Variants in AGAP3 observed in about 807,000 individuals in gnomAD.
AGAP3 encodes arf-GAP with GTPase, ANK repeat and PH domain-containing protein 3.
In AGAP3, 24 loss-of-function variants were observed where a neutral mutation model predicts 96.9. The observed-to-expected ratio is 0.25, with a 90% CI of 0.18 to 0.35. The LOEUF is 0.35. Ranked by LOEUF, AGAP3 falls within the 10% of genes least tolerant of loss-of-function variation. AGAP3 has a pLI of 1.00. For missense variants in AGAP3, 876 were observed against 1,254.2 expected (o/e 0.70, Z 4.55); for synonymous variants, 563 against 536.1 (o/e 1.05, Z -0.69).
chr7:151,088,800 G>A (rs993988648), intron 1 of AGAP3, among the ~76,000 whole-genome samples: 3 of 152,104 alleles, frequency 2.0e-5, no homozygotes, highest in Non-Finnish European at 4.4e-5. Context: ...TTCCTGGGGC[G>A]CCCTTGAGTT....
At chr7:151,095,200 C>T (rs185224102) in intron 1 of AGAP3, among the ~76,000 whole-genome samples, 7 of 152,298 alleles carry the variant, frequency 4.6e-5, no homozygotes, top group East Asian at 1.9e-4. Flanking sequence ...TTTTCTACAA[C>T]GTACATTTCT....
intron 1 of AGAP3, among the ~76,000 whole-genome samples, chr7:151,102,354 C>G (rs547535058): frequency 6.6e-6 from 1 of 152,282 alleles, no homozygotes; most frequent in South Asian, 2.1e-4. Flanking sequence ...ACGCGCCACC[C>G]CACACTCCAG....
intron 1 of AGAP3, among the ~76,000 whole-genome samples, chr7:151,093,949 A>G (rs12670760): frequency 0.36 from 54,544 of 152,054 alleles, 10,846 homozygotes; most frequent in Non-Finnish European, 0.44. Flanking sequence ...CTTGTCTGTC[A>G]AGTGAGCACC....
rs1485735816 is a variant in AGAP3, at chr7:151,114,985, C to T, written c.332-1808C>T. ...GGCCCGGAGCCGCCGCCCACCGGCG[C>T]CCGCGGCCTTTTGCTCGGCCTCCTG... On this transcript the variant is annotated intron_variant, in intron 1 of 17. Coordinates refer to ENST00000397238, the MANE Select transcript of AGAP3 (RefSeq NM_031946.7). This position sits in a 1 kb window ranked among gnomAD's most constrained non-coding sequence, Gnocchi z 4.4. The T allele has an allele frequency of 1.3e-5, 13 of 983,736 alleles. No individual in the cohort carries two copies. Among genetic ancestry groups the T allele is most frequent in the East Asian group, 1.1e-4 (1 of 8,842 alleles). The allele number at this position is 983,736 out of a possible 1,614,324, so 60.9% of individuals were successfully genotyped here.
rs1355765308 is a variant in AGAP3, at chr7:151,139,388, C to A, written c.1667-591C>A. Among the ~76,000 whole-genome samples, 2 of 152,182 alleles carry A rather than the reference C, an allele frequency of 1.3e-5. No individual in the cohort carries two copies. Among genetic ancestry groups the A allele is most frequent in the East Asian group, 3.9e-4 (2 of 5,180 alleles). On this transcript the variant is annotated intron_variant, in intron 12 of 17. Coordinates refer to ENST00000397238, the MANE Select transcript of AGAP3 (RefSeq NM_031946.7). The surrounding 1 kb of genome is among the most constrained non-coding windows in gnomAD (Gnocchi z 4.9). Reference sequence around the variant, plus strand: ...GCGCATGAGAAGGGGAGCCAGGGGCCCTTCCCTTGGGTCACCGGTCCGGTG... The same window carrying A: ...GCGCATGAGAAGGGGAGCCAGGGGCACTTCCCTTGGGTCACCGGTCCGGTG...
At chr7:151,093,439 G>A (rs1285002581) in intron 1 of AGAP3, among the ~76,000 whole-genome samples, 1 of 152,134 alleles carries the variant, frequency 6.6e-6, no homozygotes, top group Non-Finnish European at 1.5e-5. Context: ...CCACGTCCGT[G>A]CCCAAATATG....
In AGAP3 at chr7:151,118,852, A is replaced by G. The variant is rs1046704150; in HGVS notation, c.969+220A>G. On this transcript the variant is annotated intron_variant, in intron 7 of 17. Coordinates refer to ENST00000397238, the MANE Select transcript of AGAP3 (RefSeq NM_031946.7). This position sits in a 1 kb window ranked among gnomAD's most constrained non-coding sequence, Gnocchi z 6.1. The stretch of plus-strand genomic sequence containing the variant: ...ACGGTGCCTGCCCCTTCCCGCTGCA[A>G]TCCCCACTTCTCTCTGCTCTCCACC... Among the ~76,000 whole-genome samples, 1 of 151,918 alleles carries G rather than the reference A, an allele frequency of 6.6e-6. No homozygotes were observed.
chr7:151,115,140 C>T, intron 1 of AGAP3: 1 of 1,044,478 alleles, frequency 9.6e-7, no homozygotes, highest in Non-Finnish European at 1.2e-6. Context: ...GCGGCCCCGG[C>T]CGGCCAGCAT....
chr7:151,138,430 G>T, intron 12 of AGAP3, 117 bp downstream of exon 12: 3 of 1,247,670 alleles, frequency 2.4e-6, no homozygotes, highest in Non-Finnish European at 3.2e-6. Context: ...CAGGCCAAGG[G>T]GTGGGGCCCA....
chr7:151,142,677 C>A lies in AGAP3; in HGVS notation c.2273+43C>A. The A allele has an allele frequency of 1.3e-6, 2 of 1,577,676 alleles. No homozygotes were observed. Among genetic ancestry groups the A allele is most frequent in the Non-Finnish European group, 8.6e-7 (1 of 1,156,868 alleles). ...TGGAGCTGGCCAGGAATGGGGGAAG[C>A]GTTGGGGGCTCCCAGCATGGGGAAG... On this transcript the variant is annotated intron_variant, in intron 16 of 17. Transcript: ENST00000397238. The surrounding 1 kb of genome is among the most constrained non-coding windows in gnomAD (Gnocchi z 7.5).
chr7:151,095,020 T>G (rs1448692537), intron 1 of AGAP3, among the ~76,000 whole-genome samples: 1 of 151,870 alleles, frequency 6.6e-6, no homozygotes, highest in African/African-American at 2.4e-5. Context: ...GACTCAGGCA[T>G]GTGTCACCAC....
rs1584769999 is a variant in AGAP3, at chr7:151,128,466, T to C, written c.1222-114T>C. On this transcript the variant is annotated intron_variant, in intron 9 of 17. Transcript: ENST00000397238. Reference sequence around the variant, plus strand: ...TCCTTAAAGGCTGCTTTGCTCAAAGTGGCCCAGGAGAAGCGGGGAGGGGGG... The same window carrying C: ...TCCTTAAAGGCTGCTTTGCTCAAAGCGGCCCAGGAGAAGCGGGGAGGGGGG... 5 of 805,444 alleles carry C rather than the reference T, an allele frequency of 6.2e-6. No homozygotes were observed. In the East Asian group the frequency reaches 1.3e-4, roughly 22 times the overall value. The allele number at this position is 805,444 out of a possible 1,614,324, so 49.9% of individuals were successfully genotyped here.
chr7:151,126,202 C>T (rs62489625), intron 9 of AGAP3, among the ~76,000 whole-genome samples: 50,001 of 151,808 alleles, frequency 0.33, 8,454 homozygotes, highest in Admixed American at 0.42. Flanking sequence ...ACCCCCTCCC[C>T]GATCACATTC....
At position 151,087,230 on chromosome 7, in the gene AGAP3, G is replaced by A. The variant is rs113913785; in HGVS notation, c.331+158G>A. The A allele has an allele frequency of 7.0e-3, 5,360 of 765,350 alleles. 31 individuals carry two copies. The highest frequency in any genetic ancestry group is 9.1e-3 in the Non-Finnish European group (4,309 of 472,128). The allele number at this position is 765,350 out of a possible 1,614,324, so 47.4% of individuals were successfully genotyped here. ...GTTTGCCGATCTGTGTTGCAGAACC[G>A]GCGGGCAGCTTCGCCATATCTCGTT... On this transcript the variant is annotated intron_variant, in intron 1 of 17. Coordinates refer to ENST00000397238, the MANE Select transcript of AGAP3 (RefSeq NM_031946.7).
chr7:151,094,753 G>A (rs1422814742), intron 1 of AGAP3, among the ~76,000 whole-genome samples: 1 of 151,932 alleles, frequency 6.6e-6, no homozygotes, highest in Admixed American at 6.6e-5. Flanking sequence ...GGCCTCGAGT[G>A]ATCTTCCCGT....
Position 151,141,768 on chromosome 7 carries a change from G to A in AGAP3, c.1805-130G>A. On this transcript the variant is annotated intron_variant, in intron 13 of 17. Coordinates refer to ENST00000397238, the MANE Select transcript of AGAP3 (RefSeq NM_031946.7). The surrounding 1 kb of genome is among the most constrained non-coding windows in gnomAD (Gnocchi z 4.2). ...AAGCTGTCCTGGAGTGTGTGGCCTT[G>A]CAGCTGGGGAAGGGTCTAGGGGAGG... is the stretch of plus-strand genomic sequence containing the variant. 1 of 1,184,964 alleles carries A rather than the reference G, an allele frequency of 8.4e-7. No homozygotes were observed. Among genetic ancestry groups the A allele is most frequent in the Non-Finnish European group, 1.2e-6 (1 of 813,720 alleles). 73.4% of individuals were successfully genotyped at this position (1,184,964 alleles called of 1,614,324 possible). A position where few individuals can be genotyped will look rare whatever the true frequency, so the allele number is the denominator to read the frequency against.
intron 1 of AGAP3, among the ~76,000 whole-genome samples, chr7:151,106,810 C>T (rs1219354980): frequency 6.6e-6 from 1 of 151,940 alleles, no homozygotes; most frequent in Non-Finnish European, 1.5e-5. Flanking sequence ...TGCTTTTAAA[C>T]TTCTGTCCAC....
At position 151,140,430 on chromosome 7, in the gene AGAP3, CTT is replaced by C. The variant is rs1471794359; in HGVS notation, c.1804+315_1804+316del. Reference sequence around the variant, plus strand: ...CGGGCAGGACCTGTGTTTTCTGTCTCTTGTGTCATACCGAGTTTAATAAAGTG... The same window carrying C: ...CGGGCAGGACCTGTGTTTTCTGTCTCGTGTCATACCGAGTTTAATAAAGTG... On this transcript the variant is annotated intron_variant, in intron 13 of 17. Transcript: ENST00000397238. This position sits in a 1 kb window ranked among gnomAD's most constrained non-coding sequence, Gnocchi z 5.4. 1.5e-5 allele frequency: 3 copies of C among 205,152 alleles called. No individual in the cohort carries two copies. Among genetic ancestry groups the C allele is most frequent in the Admixed American group, 6.0e-5 (1 of 16,668 alleles). 12.7% of individuals were successfully genotyped at this position (205,152 alleles called of 1,614,324 possible).
At chr7:151,123,166 C>T (rs1799994421) in intron 8 of AGAP3, 2 of 1,074,630 alleles carry the variant, frequency 1.9e-6, no homozygotes, top group Non-Finnish European at 2.3e-6. Flanking sequence ...CTGCATGGAC[C>T]TCTGCCGTTC....
Sources: allele counts gnomAD v4.1 joint callset (sites outside exome capture counted in the v4.1 genomes callset), GRCh38; gene constraint gnomAD v4.1.1; non-coding constraint Gnocchi (gnomAD v3.1); transcripts MANE v1.5; gene names NCBI Gene and HGNC (gene_info 2026-07-23, HGNC 2026-07-21).